BPTF: variants seen among roughly 807,000 people sequenced by gnomAD.
The protein encoded by BPTF is nucleosome-remodeling factor subunit BPTF.
BPTF carries 18 observed loss-of-function variants against 292.5 expected under a neutral mutation model. That is an observed-to-expected ratio of 0.06 (90% CI 0.04 to 0.09). The LOEUF (loss-of-function observed/expected upper bound fraction) is 0.09. BPTF is among the 10% of genes least tolerant of loss of function. The pLI is 1.00. For synonymous variants in BPTF, 1,225 were observed against 1,251.9 expected, an observed-to-expected ratio of 0.98 and a Z score of 0.45; for missense variants, 2,726 against 3,498.7, an observed-to-expected ratio of 0.78 and a Z score of 5.57.
chr17:67,840,360 G>T (rs1469219902), intron 1 of BPTF, among the ~76,000 whole-genome samples: 1 of 151,976 alleles, frequency 6.6e-6, no homozygotes, highest in African/African-American at 2.4e-5. Flanking sequence ...ACCTGCCTCG[G>T]CCTCTCAAGG....
Position 67,886,314 on chromosome 17 carries a change from T to C in BPTF, c.1865-5530T>C, listed in dbSNP as rs769607707. The C allele has an allele frequency of 1.2e-6, 2 of 1,601,304 alleles. No individual in the cohort carries two copies. Among genetic ancestry groups the C allele is most frequent in the South Asian group, 1.1e-5 (1 of 89,050 alleles). On this transcript the variant is annotated intron_variant, in intron 4 of 27. Coordinates refer to ENST00000306378, the MANE Select transcript of BPTF (RefSeq NM_182641.4). ...ACACCTGTCTCTATTCAGGAAGAGA[T>C]AGGTAAGAATATACTTCATCCATTC...
In BPTF at chr17:67,966,637, T is replaced by G; in HGVS notation, c.8520T>G (p.Gly2840=). Residue 2840 remains glycine, a synonymous_variant, in exon 26 of 28, where the codon GGT becomes GGG. Transcript: ENST00000306378. ...CTAATGATGCACCAGATTATTATGG[T>G]GTTATTAAGGAACCTATGGGTAAGT... The part of the protein sequence containing the change: ...VDPNDAPDYY[G]VIKEPMDLAT... The G allele has an allele frequency of 6.4e-7, 1 of 1,574,276 alleles. No homozygotes were observed. The highest frequency in any genetic ancestry group is 8.6e-7 in the Non-Finnish European group (1 of 1,162,714).
intron 23 of BPTF, among the ~76,000 whole-genome samples, chr17:67,952,019 C>T (rs1555678660): frequency 8.4e-6 from 1 of 118,744 alleles, no homozygotes; most frequent in Non-Finnish European, 1.6e-5. Context: ...CATGCCACTG[C>T]ATTCCAGCCT....
intron 2 of BPTF, among the ~76,000 whole-genome samples, chr17:67,862,922 G>T (rs774125118): frequency 2.6e-4 from 40 of 151,532 alleles, no homozygotes; most frequent in Non-Finnish European, 7.4e-5. Flanking sequence ...GGCAGCTTAG[G>T]TTTTTTCTAT....
intron 26 of BPTF, among the ~76,000 whole-genome samples, chr17:67,967,699 A>AT (rs1356694765): frequency 6.6e-6 from 1 of 151,914 alleles, no homozygotes; most frequent in Non-Finnish European, 1.5e-5. Flanking sequence ...GGCATTTGTA[A>AT]TCCCAGCTGC....
chr17:67,878,258 T>C (rs1235120436), intron 4 of BPTF, among the ~76,000 whole-genome samples: 2 of 152,372 alleles, frequency 1.3e-5, no homozygotes, highest in Non-Finnish European at 1.5e-5. Flanking sequence ...CAGTATGATA[T>C]TCCATTATAT....
chr17:67,930,716 A>G (rs558247177), intron 17 of BPTF, among the ~76,000 whole-genome samples: 2 of 149,950 alleles, frequency 1.3e-5, no homozygotes, highest in Non-Finnish European at 3.0e-5. Context: ...GGCTGAGGCG[A>G]GAGGATCACT....
In BPTF at chr17:67,944,175, T is replaced by C; in HGVS notation, c.6503T>C (p.Val2168Ala). Reference protein sequence around the residue: ...GHGGNQGLTVVIQGQGQTTGQ... With the variant: ...GHGGNQGLTVAIQGQGQTTGQ... ...GGTGGCAATCAAGGTTTGACAGTAG[T>C]AATTCAAGGACAAGGTCAAACTACT... The change falls in exon 20 of 28, where the codon GTA becomes GCA. Residue 2168 changes from valine (V) to alanine (A), a missense_variant. Physicochemically the swap from Val to Ala is moderately conservative, Grantham distance 64. Around this residue, in one of 22 missense-constraint regions of BPTF, gnomAD observed 570 missense variants for 633.5 expected, o/e 0.90. Coordinates refer to ENST00000306378, the MANE Select transcript of BPTF (RefSeq NM_182641.4). The C allele has an allele frequency of 6.2e-7, 1 of 1,614,236 alleles. No individual in the cohort carries two copies. Among genetic ancestry groups the C allele is most frequent in the East Asian group, 2.2e-5 (1 of 44,892 alleles).
At chr17:67,898,560 T>C (rs2061602815) in intron 7 of BPTF, among the ~76,000 whole-genome samples, 1 of 152,128 alleles carries the variant, frequency 6.6e-6, no homozygotes, top group African/African-American at 2.4e-5. Context: ...TCCTCCCACC[T>C]TGACCTCCCA....
intron 3 of BPTF, 136 bp from the exon 4 acceptor site, chr17:67,874,681 C>T (rs916899083): frequency 7.1e-6 from 4 of 561,034 alleles, no homozygotes; most frequent in African/African-American, 1.9e-5. Context: ...ATTTTTATTT[C>T]ATAGGTCTAA....
chr17:67,914,927 C>T (rs1434664767), intron 11 of BPTF, among the ~76,000 whole-genome samples: 1 of 152,114 alleles, frequency 6.6e-6, no homozygotes, highest in Non-Finnish European at 1.5e-5. Flanking sequence ...TTTGCCAAAA[C>T]ATATTTGAGA....
Position 67,885,556 on chromosome 17 carries a change from C to G in BPTF, c.1865-6288C>G, listed in dbSNP as rs768152790. ...AGTCAGCCGAGATTGTGCCACTGCA[C>G]TCCAGCCTGCGCAACAGAGTGAGAC... On this transcript the variant is annotated intron_variant, in intron 4 of 27. Transcript: ENST00000306378. Among the ~76,000 whole-genome samples the G allele has an allele frequency of 7.2e-4, 109 of 152,206 alleles. 1 individual carries two copies. Among genetic ancestry groups the G allele is most frequent in the Non-Finnish European group, 1.9e-4 (13 of 68,042 alleles).
chr17:67,960,345 GT>G (rs61403085), intron 24 of BPTF: 134,312 of 151,982 alleles, frequency 0.88, 61,716 homozygotes, highest in East Asian at 1. Flanking sequence ...TTAAGCAGTT[GT>G]TTTTTTTTGT....
intron 1 of BPTF, among the ~76,000 whole-genome samples, chr17:67,826,772 C>G (rs2056105127): frequency 6.6e-6 from 1 of 152,014 alleles, no homozygotes; most frequent in Admixed American, 6.6e-5. Context: ...TGGTTTCTTT[C>G]GGATTTTTAT....
intron 2 of BPTF, among the ~76,000 whole-genome samples, chr17:67,865,691 A>G (rs1010955641): frequency 2.6e-5 from 4 of 152,182 alleles, no homozygotes; most frequent in Non-Finnish European, 5.9e-5. Context: ...AAATACCATT[A>G]TATGTGTTCC....
chr17:67,919,473 C>A (rs984473214), intron 12 of BPTF, among the ~76,000 whole-genome samples: 2 of 152,012 alleles, frequency 1.3e-5, no homozygotes, highest in Non-Finnish European at 2.9e-5. Context: ...GCCAGGAGTT[C>A]AAGGTTGCAG....
chr17:67,917,621 A>AT (rs751343147), intron 11 of BPTF, among the ~76,000 whole-genome samples: 2 of 128,696 alleles, frequency 1.6e-5, no homozygotes, highest in African/African-American at 2.9e-5. Flanking sequence ...GTTTAATTTA[A>AT]TTAATTAATT....
Position 67,940,674 on chromosome 17 carries a change from T to C in BPTF, c.6477+18T>C, listed in dbSNP as rs781978528. ...AGGGCCACGTAAGTAACATAAGCTT[T>C]ATTTTAACTTTAGAGGTGATCTTAT... On this transcript the variant is annotated intron_variant, in intron 19 of 27. Transcript: ENST00000306378. The C allele has an allele frequency of 2.0e-5, 32 of 1,599,352 alleles. No homozygotes were observed. The highest frequency in any genetic ancestry group is 2.7e-5 in the Non-Finnish European group (32 of 1,166,952).
intron 24 of BPTF, among the ~76,000 whole-genome samples, chr17:67,961,235 A>G (rs7220916): frequency 0.88 from 134,479 of 152,180 alleles, 61,815 homozygotes; most frequent in East Asian, 1. Flanking sequence ...ACACAGATAC[A>G]TGTGCCCATT....
Sources: gnomAD v4.1 joint callset for allele counts (sites outside exome capture counted in the v4.1 genomes callset) on GRCh38, gnomAD v4.1.1 for gene constraint, gnomAD v4.1.1 regional missense constraint, MANE v1.5 for transcripts, NCBI Gene and HGNC (gene_info 2026-07-23, HGNC 2026-07-21) for gene names.